SEMA7A: variants seen among roughly 807,000 people sequenced by gnomAD.
SEMA7A encodes semaphorin-7A.
A neutral mutation model predicts 67.5 loss-of-function variants in SEMA7A; 21 were observed. The ratio of observed to expected loss-of-function variants is 0.31; its 90% CI spans 0.22 to 0.45. The LOEUF is 0.45. SEMA7A is among the 20% of genes least tolerant of loss of function. SEMA7A has a pLI of 1.00. For synonymous variants in SEMA7A, 364 were observed against 368.5 expected (o/e 0.99, Z 0.14); for missense variants, 774 against 908.6 (o/e 0.85, Z 1.90).
intron 6 of SEMA7A, 134 bp downstream of exon 6, chr15:74,417,201 A>T: frequency 1.4e-6 from 1 of 726,330 alleles, no homozygotes; most frequent in East Asian, 2.5e-5. Flanking sequence ...TCTCAGGCCT[A>T]TACCAAGGTC....
In SEMA7A at chr15:74,410,645, A is replaced by G; in HGVS notation, c.1980T>C (p.Thr660=). The change falls in exon 14 of 14, where the codon ACT becomes ACC. Residue 660 remains threonine (T), a synonymous_variant. Transcript: ENST00000261918. The surrounding 1 kb of genome is among the most constrained non-coding windows in gnomAD (Gnocchi z 7.5). ...GGCCCTAGTGGACCAGCAAGCCAAG[A>G]GTGAGTGTGGGCAGCACCCCCAGCC... ...SLWLGVLPTL[T]LGLLVH is the part of the protein sequence containing the mutation. The G allele has an allele frequency of 4.4e-6, 7 of 1,597,232 alleles. No homozygotes were observed. Among genetic ancestry groups the G allele is most frequent in the Non-Finnish European group, 6.0e-6 (7 of 1,168,900 alleles).
chr15:74,419,535 C>G (rs1355508251), intron 1 of SEMA7A, among the ~76,000 whole-genome samples: 5 of 152,170 alleles, frequency 3.3e-5, no homozygotes, highest in Non-Finnish European at 7.3e-5. Flanking sequence ...TTAGTGAGCA[C>G]TAGACTAGAG....
At chr15:74,432,818 T>C (rs949420746) in intron 1 of SEMA7A, among the ~76,000 whole-genome samples, 1 of 151,838 alleles carries the variant, frequency 6.6e-6, no homozygotes, top group East Asian at 1.9e-4. Flanking sequence ...GAGGCATTTG[T>C]GTGCAATGCA....
In SEMA7A at chr15:74,409,610, C is replaced by A. The variant is rs891832192; in HGVS notation, c.*1014G>T. 2.0e-5 allele frequency: 3 copies of A among 150,738 alleles called. No individual in the cohort carries two copies. Among genetic ancestry groups the A allele is most frequent in the Admixed American group, 6.6e-5 (1 of 15,106 alleles). 9.3% of individuals were successfully genotyped at this position (150,738 alleles called of 1,614,324 possible). On this transcript the variant is annotated 3_prime_UTR_variant, in exon 14 of 14. Transcript: ENST00000261918. ...AGGGGGCTGAGAGGAAGGGAGGAGG[C>A]CCCCCGCCCCCCAACCCTCAACGCC... is the stretch of plus-strand genomic sequence containing the variant.
At chr15:74,418,746 G>C in intron 2 of SEMA7A, 55 bp downstream of exon 2, 1 of 1,583,110 alleles carries the variant, frequency 6.3e-7, no homozygotes, top group South Asian at 1.1e-5. Context: ...CCCTTGGCAG[G>C]GCCAGAGGGG....
chr15:74,427,460 C>G, intron 1 of SEMA7A: 3 of 877,440 alleles, frequency 3.4e-6, no homozygotes, highest in South Asian at 5.2e-5. Flanking sequence ...TCCCAAGTAG[C>G]TGGGATTACA....
rs559719917 is a variant in SEMA7A, at chr15:74,410,253, C to T, written c.*371G>A. On this transcript the variant is annotated 3_prime_UTR_variant, in exon 14 of 14. Transcript: ENST00000261918. This position sits in a 1 kb window ranked among gnomAD's most constrained non-coding sequence, Gnocchi z 7.5. Reference sequence around the variant, plus strand: ...AGGACTCAGGCCTCAGCCCCAGGGTCGAGATGGAGTCCCAGCTCTCCTATC... The same window carrying T: ...AGGACTCAGGCCTCAGCCCCAGGGTTGAGATGGAGTCCCAGCTCTCCTATC... 23 of 213,814 alleles carry T rather than the reference C, an allele frequency of 1.1e-4. No homozygotes were observed. The highest frequency in any genetic ancestry group is 4.1e-4 in the African/African-American group (18 of 43,468). The allele number at this position is 213,814 out of a possible 1,614,324, so 13.2% of individuals were successfully genotyped here. A position where few individuals can be genotyped will look rare whatever the true frequency, so the allele number is the denominator to read the frequency against.
At chr15:74,430,128 C>A (rs1222061949) in intron 1 of SEMA7A, among the ~76,000 whole-genome samples, 1 of 152,140 alleles carries the variant, frequency 6.6e-6, no homozygotes, top group Non-Finnish European at 1.5e-5. Context: ...ACAAGGGTGG[C>A]CCCGGCAAAT....
chr15:74,421,877 A>C lies in SEMA7A; in HGVS notation c.179-2925T>G, dbSNP rs894139464. Reference sequence around the variant, plus strand: ...GAGCAAGGCCAGGGGCTACCCCTAAAAAGGCCAGGCCAAGGGAGTATGTAT... The same window carrying C: ...GAGCAAGGCCAGGGGCTACCCCTAACAAGGCCAGGCCAAGGGAGTATGTAT... On this transcript the variant is annotated intron_variant, in intron 1 of 13. Transcript: ENST00000261918. Among the ~76,000 whole-genome samples the C allele has an allele frequency of 7.2e-5, 11 of 152,210 alleles. 1 individual carries two copies. The highest frequency in any genetic ancestry group is 2.7e-4 in the African/African-American group (11 of 41,448).
At chr15:74,416,548 G>C (rs1413397585) in intron 7 of SEMA7A, 27 bp downstream of exon 7, 1 of 1,609,946 alleles carries the variant, frequency 6.2e-7, no homozygotes, top group African/African-American at 1.3e-5. Flanking sequence ...CAGACACGTA[G>C]CCAGCAGCCC....
chr15:74,430,245 C>T (rs1357100044), intron 1 of SEMA7A, among the ~76,000 whole-genome samples: 5 of 152,168 alleles, frequency 3.3e-5, no homozygotes, highest in East Asian at 3.8e-4. Context: ...GGAAAGAACG[C>T]GAACTTAAGG....
At chr15:74,424,378 G>A (rs2061025699) in intron 1 of SEMA7A, among the ~76,000 whole-genome samples, 1 of 152,170 alleles carries the variant, frequency 6.6e-6, no homozygotes, top group East Asian at 1.9e-4. Flanking sequence ...GGGAAAGTGT[G>A]ACTCTCTGAG....
chr15:74,427,105 GATCCAGGAAGT>G, intron 1 of SEMA7A: 2 of 506,134 alleles, frequency 4.0e-6, no homozygotes. Flanking sequence ...AAATCCCTTG[GATCCAGGAAGT>G]ATTCCAGACT....
In SEMA7A at chr15:74,411,860, T is replaced by C. The variant is rs1347289127; in HGVS notation, c.1422+25A>G. 1.9e-6 allele frequency: 3 copies of C among 1,612,810 alleles called. No homozygotes were observed. The highest frequency in any genetic ancestry group is 2.2e-5 in the East Asian group (1 of 44,890). On this transcript the variant is annotated intron_variant, in intron 11 of 13. Transcript: ENST00000261918. The surrounding 1 kb of genome is among the most constrained non-coding windows in gnomAD (Gnocchi z 4.4). The stretch of plus-strand genomic sequence containing the variant: ...TCAGCTGCAGTCACTGCATAGCCCA[T>C]GGGACGCAGTGGGGGAAGGCTCACC...
At chr15:74,432,221 C>T (rs1286401276) in intron 1 of SEMA7A, among the ~76,000 whole-genome samples, 4 of 152,036 alleles carry the variant, frequency 2.6e-5, no homozygotes, top group Non-Finnish European at 5.9e-5. Flanking sequence ...AGTGCCCACA[C>T]GCTATGATGT....
At chr15:74,419,106 A>G (rs2060978003) in intron 1 of SEMA7A, among the ~76,000 whole-genome samples, 154 bp from the exon 2 acceptor site, 1 of 152,184 alleles carries the variant, frequency 6.6e-6, no homozygotes, top group African/African-American at 2.4e-5. Context: ...ACCCAGACTC[A>G]GAGAGTCAAG....
intron 1 of SEMA7A, among the ~76,000 whole-genome samples, chr15:74,421,980 C>T (rs1192877776): frequency 6.6e-6 from 1 of 152,168 alleles, no homozygotes; most frequent in Non-Finnish European, 1.5e-5. Flanking sequence ...TGGATGGGCC[C>T]TGAACAGGCC....
Position 74,410,694 on chromosome 15 carries a change from G to A in SEMA7A, c.1931C>T (p.Ala644Val). 7 of 1,613,428 alleles carry A rather than the reference G, an allele frequency of 4.3e-6. No individual in the cohort carries two copies. Among genetic ancestry groups the A allele is most frequent in the Non-Finnish European group, 5.9e-6 (7 of 1,179,682 alleles). Residue 644 changes from alanine (A) to valine (V), a missense_variant, in exon 14 of 14, where the codon GCC becomes GTC. By Grantham distance (64) the Ala-to-Val change is moderately conservative. Transcript: ENST00000261918. This position sits in a 1 kb window ranked among gnomAD's most constrained non-coding sequence, Gnocchi z 7.5. ...CCAGAGGGAGGCGGCCAGGGCACAG[G>A]CATGACCCAGCAGGTGCTCGGCCAT... is the stretch of plus-strand genomic sequence containing the variant. ...GIMAEHLLGH[A>V]CALAASLWLG...
rs1389089257 is a variant in SEMA7A at position 74,411,433 on chromosome 15, G to C, written c.1578-77C>G. On this transcript the variant is annotated intron_variant, in intron 12 of 13. Coordinates refer to ENST00000261918, the MANE Select transcript of SEMA7A (RefSeq NM_003612.5). This position sits in a 1 kb window ranked among gnomAD's most constrained non-coding sequence, Gnocchi z 4.4. ...ACCCTCCTATCCTTACCCCAGTGCA[G>C]TTCCAGCAGAGAGGAGGGTCCCACA... 1.3e-6 allele frequency: 2 copies of C among 1,564,036 alleles called. No homozygotes were observed. Among genetic ancestry groups the C allele is most frequent in the African/African-American group, 2.7e-5 (2 of 73,630 alleles).
Sources: gnomAD v4.1 joint callset for allele counts (sites outside exome capture counted in the v4.1 genomes callset) on GRCh38, gnomAD v4.1.1 for gene constraint, Gnocchi (gnomAD v3.1) non-coding constraint, MANE v1.5 for transcripts, NCBI Gene and HGNC (gene_info 2026-07-23, HGNC 2026-07-21) for gene names.